Variants in ADAM22 observed in about 807,000 individuals in gnomAD.
The protein encoded by ADAM22 is disintegrin and metalloproteinase domain-containing protein 22.
Under a neutral mutation model 144.6 loss-of-function variants are expected in ADAM22, and 65 were observed. The observed-to-expected ratio is 0.45, with a 90% CI of 0.37 to 0.55. The LOEUF is 0.55. Among genes scored for constraint, ADAM22 ranks in the 20% least tolerant of loss-of-function variants. The pLI is 0.00. For missense variants in ADAM22, 974 were observed against 1,184.9 expected, an observed-to-expected ratio of 0.82 and a Z score of 2.61; for synonymous variants, 391 against 412.6, an observed-to-expected ratio of 0.95 and a Z score of 0.63.
chr7:88,034,791 G>A (rs1443763421), intron 3 of ADAM22, among the ~76,000 whole-genome samples: 3 of 152,152 alleles, frequency 2.0e-5, no homozygotes, highest in African/African-American at 4.8e-5. Context: ...TCTGTCTGGT[G>A]TTGCAGCACT....
intron 5 of ADAM22, among the ~76,000 whole-genome samples, chr7:88,113,702 A>AT (rs59803488): frequency 0.026 from 1,891 of 72,306 alleles, 41 homozygotes; most frequent in African/African-American, 0.049. Context: ...ATAAATAAAT[A>AT]AATATATATA....
intron 7 of ADAM22, among the ~76,000 whole-genome samples, chr7:88,122,188 CT>C (rs1414019087): frequency 2.6e-5 from 4 of 152,170 alleles, no homozygotes; most frequent in African/African-American, 9.6e-5. Flanking sequence ...TTCTTGCTGG[CT>C]TTTGGCTGAT....
chr7:88,157,348 G>A (rs1840263228), intron 22 of ADAM22, among the ~76,000 whole-genome samples: 2 of 152,022 alleles, frequency 1.3e-5, no homozygotes, highest in Non-Finnish European at 2.9e-5. Flanking sequence ...TTTCCAGAGA[G>A]GAGAAAAAAA....
chr7:88,010,004 C>T (rs1732236978), intron 3 of ADAM22, among the ~76,000 whole-genome samples: 1 of 151,092 alleles, frequency 6.6e-6, no homozygotes, highest in South Asian at 2.1e-4. Context: ...ACAACCATTC[C>T]AACCCGTTAT....
intron 14 of ADAM22, among the ~76,000 whole-genome samples, chr7:88,141,633 T>C (rs1346677862): frequency 6.6e-6 from 1 of 152,204 alleles, no homozygotes; most frequent in Admixed American, 6.5e-5. Context: ...CCATGGTTGA[T>C]ATTAAAATAC....
chr7:88,060,821 C>G (rs753213541), intron 3 of ADAM22, among the ~76,000 whole-genome samples: 5 of 147,642 alleles, frequency 3.4e-5, no homozygotes, highest in Non-Finnish European at 6.0e-5. Context: ...AGAAGTGACT[C>G]GGCCAGGTGC....
intron 22 of ADAM22, among the ~76,000 whole-genome samples, chr7:88,161,194 A>G (rs79474208): frequency 9.3e-5 from 7 of 75,044 alleles, no homozygotes; most frequent in Admixed American, 7.5e-4. Flanking sequence ...ACATATTTGG[A>G]AAAAAAAAAA....
At chr7:88,173,317 A>T (rs1208560051) in intron 26 of ADAM22, among the ~76,000 whole-genome samples, 1 of 152,044 alleles carries the variant, frequency 6.6e-6, no homozygotes, top group Non-Finnish European at 1.5e-5. Context: ...AATCTAGTCC[A>T]TCATATTTTG....
rs199723886 is a variant in ADAM22, at chr7:87,935,046, C to T, written c.106C>T (p.Leu36=). The change falls in exon 2 of 32, where the codon CTA becomes TTA. Residue 36 remains leucine, a synonymous_variant. Transcript: ENST00000413139. ...TGGAGGAGACGCCTCATTGATGGAGCTAGAGAAGAGGAAGGAAAACCGCTT... is the reference window on the plus strand; with the variant it reads ...TGGAGGAGACGCCTCATTGATGGAGTTAGAGAAGAGGAAGGAAAACCGCTT... ...GQAGDASLME[L]EKRKENRFVE... 307 of 1,614,062 alleles carry T rather than the reference C, an allele frequency of 1.9e-4. No individual in the cohort carries two copies. Among genetic ancestry groups the T allele is most frequent in the Middle Eastern group, 3.3e-4 (2 of 6,084 alleles).
rs942153222 is a variant in ADAM22, at chr7:88,138,289, AT to A, written c.1220+2259del. ...CATACTAGAGATTCTTGTCTTTTAA[AT>A]CCTACATAGTATATTTGATTATCCT... On this transcript the variant is annotated intron_variant, in intron 14 of 31. Coordinates refer to ENST00000413139, the MANE Select transcript of ADAM22 (RefSeq NM_001324418.2). Among the ~76,000 whole-genome samples the A allele has an allele frequency of 3.9e-5, 6 of 152,338 alleles. 1 individual carries two copies. The highest frequency in any genetic ancestry group is 1.4e-4 in the African/African-American group (6 of 41,586).
chr7:88,029,899 C>G (rs763239370), intron 3 of ADAM22, among the ~76,000 whole-genome samples: 1 of 151,386 alleles, frequency 6.6e-6, no homozygotes, highest in Non-Finnish European at 1.5e-5. Context: ...AGGATCCTTT[C>G]TTTTTTCTTG....
At chr7:88,175,417 A>G (rs1845389037) in intron 26 of ADAM22, among the ~76,000 whole-genome samples, 1 of 152,212 alleles carries the variant, frequency 6.6e-6, no homozygotes, top group African/African-American at 2.4e-5. Flanking sequence ...TACCTTCAAA[A>G]GAATGTTATT....
chr7:88,116,326 A>T (rs2129490355), intron 6 of ADAM22, among the ~76,000 whole-genome samples: 1 of 152,276 alleles, frequency 6.6e-6, no homozygotes, highest in East Asian at 1.9e-4. Context: ...ATTTACTTAT[A>T]CCAGGCATCC....
At chr7:87,996,724 A>G (rs1335394114) in intron 3 of ADAM22, among the ~76,000 whole-genome samples, 4 of 152,230 alleles carry the variant, frequency 2.6e-5, no homozygotes, top group Non-Finnish European at 4.4e-5. Flanking sequence ...TATTTGTTAG[A>G]TGGTATCTAT....
rs1217144711 is a variant in ADAM22, at chr7:88,131,405, A to G, written c.962A>G (p.Lys321Arg). The G allele has an allele frequency of 1.2e-6, 2 of 1,613,730 alleles. No individual in the cohort carries two copies. Among genetic ancestry groups the G allele is most frequent in the African/African-American group, 2.7e-5 (2 of 74,906 alleles). ...ATGAAATACAGGAGGGATTTTATCA[A>G]AGAGAAAAGTGATGCAGTTCACCTT... The part of the protein sequence containing the change: ...EFMKYRRDFI[K>R]EKSDAVHLFS... Residue 321 changes from lysine (K) to arginine (R), a missense_variant, in exon 11 of 32, where the codon AAA (lysine) becomes AGA (arginine). Physicochemically the swap from Lys to Arg is conservative, Grantham distance 26. Around this residue, in one of 2 missense-constraint regions of ADAM22, gnomAD observed 734 missense variants for 950.6 expected, o/e 0.77. Transcript: ENST00000413139.
intron 25 of ADAM22, among the ~76,000 whole-genome samples, chr7:88,169,295 C>T (rs1395006220): frequency 6.6e-6 from 1 of 152,088 alleles, no homozygotes; most frequent in Non-Finnish European, 1.5e-5. Flanking sequence ...GAGCATATTA[C>T]AGTTTGGCAA....
At chr7:88,133,050 G>A in intron 12 of ADAM22, 99 bp downstream of exon 12, 3 of 1,056,446 alleles carry the variant, frequency 2.8e-6, no homozygotes, top group Non-Finnish European at 4.3e-6. Context: ...TACTCCAGAT[G>A]TTAGATTGCT....
chr7:87,947,312 A>G (rs1244909703), intron 2 of ADAM22, among the ~76,000 whole-genome samples: 2 of 151,530 alleles, frequency 1.3e-5, no homozygotes, highest in Non-Finnish European at 1.5e-5. Flanking sequence ...TAAATAGTAC[A>G]TAGCTTTTTT....
chr7:88,071,003 C>T (rs1812598491), intron 3 of ADAM22, among the ~76,000 whole-genome samples: 1 of 152,118 alleles, frequency 6.6e-6, no homozygotes. Flanking sequence ...CATTTGACAA[C>T]TGTGATCCTA....
Sources: allele counts gnomAD v4.1 joint callset (sites outside exome capture counted in the v4.1 genomes callset), GRCh38; gene constraint gnomAD v4.1.1; regional missense constraint gnomAD v4.1.1; transcripts MANE v1.5; gene names NCBI Gene and HGNC (gene_info 2026-07-23, HGNC 2026-07-21).